The following CDH22 variants were observed in gnomAD, a reference collection of about 807,000 sequenced individuals.
CDH22 encodes the protein cadherin 22, also known as cadherin-22.
CDH22 carries 30 observed loss-of-function variants against 58.4 expected under a neutral mutation model. The ratio of observed to expected loss-of-function variants is 0.51; its 90% CI spans 0.38 to 0.70. The LOEUF (loss-of-function observed/expected upper bound fraction) is 0.70, where lower values mean the gene tolerates loss of function less well. Ranked by LOEUF, CDH22 falls within the 30% of genes least tolerant of loss-of-function variation. The pLI, the probability that CDH22 is intolerant of heterozygous loss-of-function variation, is 0.00. For missense variants in CDH22, 1,014 were observed against 1,233.9 expected (o/e 0.82, Z 2.67); for synonymous variants, 513 against 558.2 (o/e 0.92, Z 1.14).
intron 1 of CDH22, among the ~76,000 whole-genome samples, chr20:46,285,004 C>A (rs114858472): frequency 0.037 from 5,600 of 152,290 alleles, 170 homozygotes; most frequent in African/African-American, 0.078. Flanking sequence ...CGACCCCCAA[C>A]CTGACCACTG....
chr20:46,199,298 C>T, intron 8 of CDH22, 125 bp downstream of exon 8: 1 of 1,164,788 alleles, frequency 8.6e-7, no homozygotes, highest in Non-Finnish European at 1.2e-6. Flanking sequence ...AACCTTTGGC[C>T]CCTCCCCCGT....
At position 46,251,249 on chromosome 20, in the gene CDH22, G is replaced by A; in HGVS notation, c.46C>T (p.Leu16=). 1 of 1,470,142 alleles carries A rather than the reference G, an allele frequency of 6.8e-7. No homozygotes were observed. Among genetic ancestry groups the A allele is most frequent in the Non-Finnish European group, 9.0e-7 (1 of 1,114,666 alleles). The allele number at this position is 1,470,142 out of a possible 1,614,324, so 91.1% of individuals were successfully genotyped here. A position where few individuals can be genotyped will look rare whatever the true frequency, so the allele number is the denominator to read the frequency against. The part of the protein sequence containing the change: ...EGRGLRAGVA[L]SPALLLLLLL... ...AGCAGCAGCAGTAGCGCGGGGGACA[G>A]CGCGACTCCCGCCCGGAGCCCCCTA... The change falls in exon 2 of 12, where the codon CTG becomes TTG. Residue 16 remains leucine (L), a synonymous_variant. Coordinates refer to ENST00000537909, the MANE Select transcript of CDH22 (RefSeq NM_021248.3). The surrounding 1 kb of genome is among the most constrained non-coding windows in gnomAD (Gnocchi z 6.7).
intron 1 of CDH22, among the ~76,000 whole-genome samples, chr20:46,263,522 G>T (rs1400034453): frequency 6.6e-6 from 1 of 152,038 alleles, no homozygotes; most frequent in Non-Finnish European, 1.5e-5. Flanking sequence ...CTGTGCCAAG[G>T]TCTGCAAAGA....
chr20:46,277,624 G>A (rs1032418785), intron 1 of CDH22, among the ~76,000 whole-genome samples: 1 of 152,116 alleles, frequency 6.6e-6, no homozygotes, highest in African/African-American at 2.4e-5. Context: ...AGAAGAGAGT[G>A]GGGTGGAGGA....
intron 1 of CDH22, among the ~76,000 whole-genome samples, chr20:46,290,194 T>A (rs527682384): frequency 6.6e-6 from 1 of 152,312 alleles, no homozygotes; most frequent in East Asian, 1.9e-4. Flanking sequence ...AGGATATTTA[T>A]TAGATTTTCA....
intron 5 of CDH22, among the ~76,000 whole-genome samples, chr20:46,214,367 G>C (rs2086067035): frequency 6.6e-6 from 1 of 152,156 alleles, no homozygotes; most frequent in South Asian, 2.1e-4. Flanking sequence ...CACAGGTCTT[G>C]GTAACCCTTG....
At chr20:46,177,623 C>T (rs963739337) in intron 11 of CDH22, among the ~76,000 whole-genome samples, 1 of 152,064 alleles carries the variant, frequency 6.6e-6, no homozygotes, top group Admixed American at 6.5e-5. Context: ...TCACAAGAGC[C>T]CTTTTTACTA....
chr20:46,208,670 C>T (rs2086017851), intron 7 of CDH22, among the ~76,000 whole-genome samples: 2 of 152,222 alleles, frequency 1.3e-5, no homozygotes, highest in Admixed American at 1.3e-4. Flanking sequence ...TCTCGGCTCA[C>T]TGCAACCCCT....
intron 3 of CDH22, among the ~76,000 whole-genome samples, chr20:46,231,152 G>A (rs1264669510): frequency 2.6e-5 from 4 of 152,174 alleles, no homozygotes; most frequent in Non-Finnish European, 5.9e-5. Flanking sequence ...CCGTGGTGCT[G>A]CTGCCCAGCC....
At chr20:46,273,398 T>C (rs111793833) in intron 1 of CDH22, among the ~76,000 whole-genome samples, 3,963 of 152,318 alleles carry the variant, frequency 0.026, 126 homozygotes, top group African/African-American at 0.071. Context: ...TAGCCCTTTT[T>C]AGCTGAAGAG....
chr20:46,185,483 C>G (rs2085818765), intron 10 of CDH22, among the ~76,000 whole-genome samples: 1 of 152,100 alleles, frequency 6.6e-6, no homozygotes, highest in African/African-American at 2.4e-5. Flanking sequence ...GGGCAGGACT[C>G]TTTCTCTCTT....
chr20:46,223,658 T>TCC (rs1268218033), intron 4 of CDH22, among the ~76,000 whole-genome samples: 140 of 135,332 alleles, frequency 1.0e-3, no homozygotes, highest in African/African-American at 2.6e-3. Flanking sequence ...TCTCTTTCTT[T>TCC]TTCTTTCCTT....
chr20:46,251,270 C>G lies in CDH22; in HGVS notation c.25G>C (p.Gly9Arg). Residue 9 changes from glycine to arginine, a missense_variant, in exon 2 of 12, where the codon GGG becomes CGG. Coordinates refer to ENST00000537909, the MANE Select transcript of CDH22 (RefSeq NM_021248.3). The surrounding 1 kb of genome is among the most constrained non-coding windows in gnomAD (Gnocchi z 6.7). ...GACAGCGCGACTCCCGCCCGGAGCC[C>G]CCTACCTTCGGGCCTCGGCCTCATC... MRPRPEGR[G>R]LRAGVALSPA... 1 of 1,462,438 alleles carries G rather than the reference C, an allele frequency of 6.8e-7. No individual in the cohort carries two copies. Among genetic ancestry groups the G allele is most frequent in the Non-Finnish European group, 9.0e-7 (1 of 1,113,500 alleles). 90.6% of individuals were successfully genotyped at this position (1,462,438 alleles called of 1,614,324 possible).
chr20:46,279,372 G>A (rs1428589540), intron 1 of CDH22, among the ~76,000 whole-genome samples: 1 of 152,152 alleles, frequency 6.6e-6, no homozygotes, highest in Non-Finnish European at 1.5e-5. Flanking sequence ...GGGAAAAGGG[G>A]AAACATCTTA....
At chr20:46,267,887 T>G (rs1371601533) in intron 1 of CDH22, among the ~76,000 whole-genome samples, 1 of 152,198 alleles carries the variant, frequency 6.6e-6, no homozygotes, top group Non-Finnish European at 1.5e-5. Context: ...GGGGGAGAGT[T>G]CTCAGGAACA....
chr20:46,236,622 T>A (rs1016035645), intron 3 of CDH22, among the ~76,000 whole-genome samples: 16 of 142,170 alleles, frequency 1.1e-4, no homozygotes, highest in Non-Finnish European at 2.0e-4. Flanking sequence ...TATATTAATA[T>A]CTATATTTGT....
At chr20:46,209,045 G>T (rs919940551) in intron 7 of CDH22, among the ~76,000 whole-genome samples, 1 of 152,238 alleles carries the variant, frequency 6.6e-6, no homozygotes, top group Non-Finnish European at 1.5e-5. Context: ...GACAAAAAAG[G>T]TAATCAGAAA....
chr20:46,202,502 C>T (rs1216842490), intron 7 of CDH22, among the ~76,000 whole-genome samples: 2 of 151,972 alleles, frequency 1.3e-5, no homozygotes, highest in African/African-American at 4.8e-5. Context: ...TACAGGCGCC[C>T]GCCACCACGC....
intron 3 of CDH22, 25 bp from the exon 4 acceptor site, chr20:46,227,652 CAG>C (rs1253115675): frequency 4.4e-6 from 7 of 1,598,426 alleles, no homozygotes; most frequent in Non-Finnish European, 5.1e-6. Context: ...CCAAGCGAGA[CAG>C]GGGTCATCTG....
Sources: gnomAD v4.1 joint callset for allele counts (sites outside exome capture counted in the v4.1 genomes callset) on GRCh38, gnomAD v4.1.1 for gene constraint, Gnocchi (gnomAD v3.1) non-coding constraint, MANE v1.5 for transcripts, NCBI Gene and HGNC (gene_info 2026-07-23, HGNC 2026-07-21) for gene names.